The following INO80 variants were observed in gnomAD, a reference collection of about 807,000 sequenced individuals.
INO80 encodes the protein chromatin-remodeling ATPase INO80.
A neutral mutation model predicts 203.4 loss-of-function variants in INO80; 20 were observed. That is an observed-to-expected ratio of 0.10 (90% CI 0.07 to 0.14). The LOEUF is 0.14. Among genes scored for constraint, INO80 ranks in the 10% least tolerant of loss-of-function variants. The probability of loss-of-function intolerance (pLI) is 1.00; values close to 1 mark genes in which losing one functional copy is unlikely to be tolerated. For missense variants in INO80, 1,419 were observed against 1,914.4 expected (o/e 0.74, Z 4.83); for synonymous variants, 726 against 685.2 (o/e 1.06, Z -0.93).
intron 1 of INO80, among the ~76,000 whole-genome samples, chr15:41,100,686 T>A (rs16971500): frequency 0.074 from 11,290 of 152,148 alleles, 1,221 homozygotes; most frequent in African/African-American, 0.24. Flanking sequence ...AGAACCAAGT[T>A]ATATTTTTTA....
At chr15:40,991,706 G>C (rs1289952092) in intron 29 of INO80, among the ~76,000 whole-genome samples, 3 of 152,096 alleles carry the variant, frequency 2.0e-5, no homozygotes, top group Admixed American at 1.3e-4. Context: ...CGGTAGAGGG[G>C]CCTGGCTGTA....
chr15:41,107,451 T>G (rs1472846109), intron 1 of INO80, among the ~76,000 whole-genome samples: 1 of 151,980 alleles, frequency 6.6e-6, no homozygotes, highest in African/African-American at 2.4e-5. Context: ...CAGTGAGCCA[T>G]GATGGTGCCA....
chr15:41,095,691 T>C (rs542650293), intron 3 of INO80, 23 bp from the exon 4 acceptor site: 3 of 1,606,988 alleles, frequency 1.9e-6, no homozygotes, highest in Non-Finnish European at 2.6e-6. Flanking sequence ...ACACAAAGAA[T>C]AAAAAAATTA....
chr15:41,012,500 T>A (rs1332249780), intron 27 of INO80, among the ~76,000 whole-genome samples: 1 of 140,986 alleles, frequency 7.1e-6, no homozygotes, highest in Non-Finnish European at 1.5e-5. Context: ...CAGCTGGAGG[T>A]TGCAGTGAGC....
chr15:41,090,440 G>C lies in INO80; in HGVS notation c.537+1587C>G, dbSNP rs534634871. Among the ~76,000 whole-genome samples the C allele has an allele frequency of 1.6e-4, 24 of 152,296 alleles. No individual in the cohort carries two copies. In the South Asian group the frequency reaches 5.0e-3, roughly 32 times the overall value. On this transcript the variant is annotated intron_variant, in intron 5 of 35. Transcript: ENST00000648947. ...AAAACGCAAAAAAAAAGCCGGGCGT[G>C]GTGGCACACGCCTGTAATCTCAGCT...
At chr15:41,091,144 G>A (rs1395780508) in intron 5 of INO80, among the ~76,000 whole-genome samples, 5 of 152,164 alleles carry the variant, frequency 3.3e-5, no homozygotes, top group East Asian at 1.9e-4. Context: ...GGCTGGTCTC[G>A]AACTCCTGAC....
At chr15:41,028,348 C>A (rs1173984200) in intron 24 of INO80, among the ~76,000 whole-genome samples, 11 of 152,078 alleles carry the variant, frequency 7.2e-5, no homozygotes, top group African/African-American at 2.7e-4. Flanking sequence ...GTTGGCCAGG[C>A]TGGTCTCGAA....
intron 24 of INO80, among the ~76,000 whole-genome samples, chr15:41,043,122 A>G (rs879859325): frequency 6.6e-6 from 1 of 152,354 alleles, no homozygotes; most frequent in Admixed American, 6.5e-5. Flanking sequence ...GCTCTGGAAC[A>G]TACTACAATA....
At chr15:40,982,812 A>T in intron 35 of INO80, 50 bp downstream of exon 35, 1 of 1,448,938 alleles carries the variant, frequency 6.9e-7, no homozygotes, top group Non-Finnish European at 9.5e-7. Context: ...CAGAATTTCT[A>T]GACTGTCTCT....
At chr15:40,996,138 C>T (rs764613252) in intron 29 of INO80, among the ~76,000 whole-genome samples, 8 of 152,130 alleles carry the variant, frequency 5.3e-5, no homozygotes, top group Non-Finnish European at 1.0e-4. Context: ...TTTGCTTTCT[C>T]CTCACAGTTG....
At position 40,998,016 on chromosome 15, in the gene INO80, C is replaced by CTT. The variant is rs10572892; in HGVS notation, c.3498-417_3498-416dup. Among the ~76,000 whole-genome samples the CTT allele has an allele frequency of 8.5e-4, 64 of 75,150 alleles. 1 individual carries two copies. Among genetic ancestry groups the CTT allele is most frequent in the African/African-American group, 3.2e-3 (58 of 18,280 alleles). The allele number at this position is 75,150 out of a possible 152,430, so 49.3% of individuals were successfully genotyped here. On this transcript the variant is annotated intron_variant, in intron 28 of 35. Transcript: ENST00000648947. ...ACTAATGTTATTATTCCAAAACACT[C>CTT]TTTTTTTTTTTTTTTTTTTTTTTTA...
intron 28 of INO80, among the ~76,000 whole-genome samples, chr15:41,000,868 A>G (rs752576412): frequency 4.6e-5 from 7 of 152,114 alleles, no homozygotes; most frequent in Non-Finnish European, 5.9e-5. Context: ...GTAAAAATAA[A>G]TTAGTAGAAA....
chr15:41,084,802 C>T (rs758268814), intron 7 of INO80, among the ~76,000 whole-genome samples: 2 of 152,116 alleles, frequency 1.3e-5, no homozygotes, highest in Admixed American at 6.5e-5. Context: ...TGCAGTGGTG[C>T]GATCTCAGCT....
chr15:41,004,218 T>G (rs964422596), intron 28 of INO80, among the ~76,000 whole-genome samples: 1 of 152,224 alleles, frequency 6.6e-6, no homozygotes, highest in African/African-American at 2.4e-5. Context: ...GAAGCAGATC[T>G]TCTCCTTATT....
chr15:41,094,198 G>A (rs946657576), intron 4 of INO80, among the ~76,000 whole-genome samples: 5 of 152,100 alleles, frequency 3.3e-5, no homozygotes, highest in African/African-American at 7.2e-5. Context: ...ACACTCCAAC[G>A]GCTTATGCCT....
chr15:41,083,413 A>C (rs2045514620), intron 7 of INO80, among the ~76,000 whole-genome samples: 1 of 152,110 alleles, frequency 6.6e-6, no homozygotes, highest in Non-Finnish European at 1.5e-5. Flanking sequence ...TATCCTCAAA[A>C]CATTAAAACA....
At chr15:41,039,613 A>G (rs1290968583) in intron 24 of INO80, among the ~76,000 whole-genome samples, 2 of 152,228 alleles carry the variant, frequency 1.3e-5, no homozygotes, top group African/African-American at 4.8e-5. Context: ...AAGGTAGCCT[A>G]GAGCAATGAA....
intron 11 of INO80, 104 bp downstream of exon 11, chr15:41,073,322 CTT>C: frequency 2.1e-6 from 2 of 959,040 alleles, no homozygotes; most frequent in East Asian, 4.8e-5. Flanking sequence ...CTAGTCTATG[CTT>C]TTAATTGCAA....
At chr15:41,011,811 G>A (rs1233458195) in intron 27 of INO80, 3 of 152,182 alleles carry the variant, frequency 2.0e-5, no homozygotes, top group African/African-American at 7.2e-5. Flanking sequence ...CCCCCAGTGA[G>A]GCACTGCGCT....
Sources: allele counts gnomAD v4.1 joint callset (sites outside exome capture counted in the v4.1 genomes callset), GRCh38; gene constraint gnomAD v4.1.1; transcripts MANE v1.5; gene names NCBI Gene and HGNC (gene_info 2026-07-23, HGNC 2026-07-21).